CRACD: variants seen among roughly 807,000 people sequenced by gnomAD.
CRACD encodes capping protein inhibiting regulator of actin dynamics.
CRACD carries 56 observed loss-of-function variants against 106.8 expected under a neutral mutation model. The observed-to-expected ratio is 0.52, with a 90% CI of 0.42 to 0.66. CRACD has a LOEUF of 0.66. CRACD is among the 30% of genes least tolerant of loss of function. CRACD has a pLI of 0.00. For synonymous variants in CRACD, 754 were observed against 670.8 expected, an observed-to-expected ratio of 1.12 and a Z score of -1.92; for missense variants, 1,730 against 1,623.2, an observed-to-expected ratio of 1.07 and a Z score of -1.13.
At chr4:56,064,815 G>T (rs1732403910) in intron 1 of CRACD, among the ~76,000 whole-genome samples, 1 of 152,086 alleles carries the variant, frequency 6.6e-6, no homozygotes, top group Non-Finnish European at 1.5e-5. Flanking sequence ...TCATCTTGAA[G>T]TGAAACTGCT....
At chr4:56,159,485 T>G (rs1735872717) in intron 1 of CRACD, among the ~76,000 whole-genome samples, 1 of 151,950 alleles carries the variant, frequency 6.6e-6, no homozygotes, top group Admixed American at 6.6e-5. Flanking sequence ...CCCATTCTAC[T>G]AAAAATACAA....
chr4:56,155,974 T>G (rs1177286807), intron 1 of CRACD, among the ~76,000 whole-genome samples: 1 of 151,856 alleles, frequency 6.6e-6, no homozygotes, highest in East Asian at 1.9e-4. Flanking sequence ...ATTTATTGAG[T>G]TTTTTTTGAG....
chr4:56,132,577 G>T (rs894377694), intron 1 of CRACD, among the ~76,000 whole-genome samples: 12 of 152,058 alleles, frequency 7.9e-5, no homozygotes, highest in Non-Finnish European at 1.0e-4. Context: ...GGGCTCAAGT[G>T]ATCTGCCTGC....
At chr4:56,327,532 A>G (rs1746528960) in intron 10 of CRACD, 112 bp from the exon 11 acceptor site, 1 of 937,464 alleles carries the variant, frequency 1.1e-6, no homozygotes, top group East Asian at 2.5e-5. Context: ...GTTGTACATG[A>G]CAAATACAGT....
At chr4:56,275,207 G>A (rs575348764) in intron 3 of CRACD, among the ~76,000 whole-genome samples, 1 of 152,246 alleles carries the variant, frequency 6.6e-6, no homozygotes, top group East Asian at 1.9e-4. Flanking sequence ...GAAATAATCT[G>A]TACAGCAAAC....
intron 1 of CRACD, among the ~76,000 whole-genome samples, chr4:56,129,362 G>A (rs1340540627): frequency 1.3e-5 from 2 of 152,232 alleles, no homozygotes; most frequent in East Asian, 1.9e-4. Context: ...GCCCCACACC[G>A]GCCAAAATTT....
intron 1 of CRACD, among the ~76,000 whole-genome samples, chr4:56,148,231 A>G (rs1442889629): frequency 6.6e-5 from 10 of 152,000 alleles, no homozygotes; most frequent in Non-Finnish European, 2.9e-5. Flanking sequence ...CTAGTGTACT[A>G]TCCTAGTGGA....
chr4:56,062,825 G>T (rs1326809000), intron 1 of CRACD, among the ~76,000 whole-genome samples: 1 of 152,052 alleles, frequency 6.6e-6, no homozygotes, highest in Non-Finnish European at 1.5e-5. Flanking sequence ...ACAAATTTGG[G>T]GCTTGCAAAT....
intron 2 of CRACD, among the ~76,000 whole-genome samples, chr4:56,223,238 C>A (rs1023247511): frequency 4.2e-5 from 6 of 144,368 alleles, no homozygotes; most frequent in African/African-American, 1.5e-4. Context: ...TTTTTTTTTC[C>A]TAATAACACC....
intron 10 of CRACD, among the ~76,000 whole-genome samples, chr4:56,326,450 T>C (rs1226765686): frequency 1.3e-5 from 2 of 152,250 alleles, no homozygotes; most frequent in African/African-American, 4.8e-5. Flanking sequence ...AAAGGATTAA[T>C]GCAACTCAAG....
chr4:56,110,833 G>A (rs1304621903), intron 1 of CRACD, among the ~76,000 whole-genome samples: 3 of 152,194 alleles, frequency 2.0e-5, no homozygotes, highest in Admixed American at 2.0e-4. Flanking sequence ...CTGACCTCAA[G>A]TGATCCACCT....
At chr4:56,312,277 C>T (rs1745208530) in intron 6 of CRACD, among the ~76,000 whole-genome samples, 1 of 152,138 alleles carries the variant, frequency 6.6e-6, no homozygotes, top group South Asian at 2.1e-4. Context: ...TCTCATGCAT[C>T]AGCTTCCCCA....
intron 2 of CRACD, among the ~76,000 whole-genome samples, chr4:56,203,225 C>G (rs1284576722): frequency 1.3e-5 from 2 of 152,208 alleles, no homozygotes; most frequent in Non-Finnish European, 2.9e-5. Context: ...TTCTCCTGCT[C>G]TTTTGCACTG....
chr4:56,207,802 ATTTAT>A lies in CRACD; in HGVS notation c.-189+28395_-189+28399del, dbSNP rs548538609. Among the ~76,000 whole-genome samples, 980 of 100,344 alleles carry A rather than the reference ATTTAT, an allele frequency of 9.8e-3. 12 individuals are homozygous for A. Among genetic ancestry groups the A allele is most frequent in the African/African-American group, 0.036 (922 of 25,288 alleles). 65.8% of individuals were successfully genotyped at this position (100,344 alleles called of 152,430 possible). A position where few individuals can be genotyped will look rare whatever the true frequency, so the allele number is the denominator to read the frequency against. On this transcript the variant is annotated intron_variant, in intron 2 of 10. Coordinates refer to ENST00000682029, the MANE Select transcript of CRACD (RefSeq NM_001393381.1). The stretch of plus-strand genomic sequence containing the variant: ...TATGCTTATTTTATTTTATTTTTTC[ATTTAT>A]TTTATTTTATTTTATTTTATTTATT...
At chr4:56,242,484 A>G (rs918480516) in intron 2 of CRACD, among the ~76,000 whole-genome samples, 1 of 152,196 alleles carries the variant, frequency 6.6e-6, no homozygotes, top group Admixed American at 6.5e-5. Context: ...CTTTGGTGAC[A>G]CTAGGAGGCG....
chr4:56,203,501 G>T (rs1001371253), intron 2 of CRACD, among the ~76,000 whole-genome samples: 1 of 152,150 alleles, frequency 6.6e-6, no homozygotes, highest in Non-Finnish European at 1.5e-5. Context: ...TTACAGGCAG[G>T]TCTGGGCAGT....
chr4:56,283,164 C>A (rs1358507313), intron 3 of CRACD, among the ~76,000 whole-genome samples: 1 of 152,076 alleles, frequency 6.6e-6, no homozygotes, highest in Non-Finnish European at 1.5e-5. Context: ...CATCCCAGGA[C>A]CATGGGGTGT....
chr4:56,259,349 G>T (rs6841956), intron 2 of CRACD, among the ~76,000 whole-genome samples: 55,616 of 151,760 alleles, frequency 0.37, 11,103 homozygotes, highest in Middle Eastern at 0.56. Context: ...GTAAATTGAC[G>T]GTTGTCTCTT....
chr4:56,146,368 G>T (rs1735379584), intron 1 of CRACD, among the ~76,000 whole-genome samples: 1 of 151,338 alleles, frequency 6.6e-6, no homozygotes, highest in African/African-American at 2.4e-5. Flanking sequence ...CCGGTATTTT[G>T]TTTTCAAGTT....
Sources: gnomAD v4.1 joint callset for allele counts (sites outside exome capture counted in the v4.1 genomes callset) on GRCh38, gnomAD v4.1.1 for gene constraint, MANE v1.5 for transcripts, NCBI Gene and HGNC (gene_info 2026-07-23, HGNC 2026-07-21) for gene names.